TCHP: variants seen among roughly 807,000 people sequenced by gnomAD.
TCHP encodes trichoplein keratin filament-binding protein.
In TCHP, 81 loss-of-function variants were observed where a neutral mutation model predicts 88.7. The ratio of observed to expected loss-of-function variants is 0.91; its 90% CI spans 0.76 to 1.10. TCHP has a LOEUF of 1.10. TCHP is among the 50% of genes least tolerant of loss of function. The pLI, the probability that TCHP is intolerant of heterozygous loss-of-function variation, is 0.00. For missense variants in TCHP, 641 were observed against 632.1 expected (o/e 1.01, Z -0.15); for synonymous variants, 232 against 232.5 (o/e 1.00, Z 0.02).
intron 3 of TCHP, 47 bp downstream of exon 3, chr12:109,904,194 C>G: frequency 6.6e-7 from 1 of 1,519,594 alleles, no homozygotes; most frequent in Admixed American, 2.0e-5. Flanking sequence ...GGAGTGTTCC[C>G]AGCCTGAGTG....
In TCHP at chr12:109,903,269, G is replaced by A. The variant is rs1869922997; in HGVS notation, c.188+55G>A. 6.5e-7 allele frequency: 1 copy of A among 1,541,092 alleles called. No homozygotes were observed. Among genetic ancestry groups the A allele is most frequent in the Non-Finnish European group, 8.9e-7 (1 of 1,124,106 alleles). ...GAAGTGGGGACCACTTGCTGGTCAG[G>A]GGATGAGGCCTTAAGGATTTAGGGA... On this transcript the variant is annotated intron_variant, in intron 2 of 12. Transcript: ENST00000405876. This position sits in a 1 kb window ranked among gnomAD's most constrained non-coding sequence, Gnocchi z 4.6.
chr12:109,894,488 G>A, the TCHP span, among the ~76,000 whole-genome samples: 3 of 145,078 alleles, frequency 2.1e-5, no homozygotes, highest in Non-Finnish European at 3.0e-5. Context: ...AAAAAAGGCC[G>A]GGTGCAGTGG....
At chr12:109,899,168 G>T (rs998519381), upstream of TCHP, among the ~76,000 whole-genome samples, 1 of 152,146 alleles carries the variant, frequency 6.6e-6, no homozygotes, top group Non-Finnish European at 1.5e-5. Context: ...AAAGAATGGA[G>T]AAATGAAGGG....
At chr12:109,910,473 T>C (rs1335942544) in intron 8 of TCHP, among the ~76,000 whole-genome samples, 1 of 152,168 alleles carries the variant, frequency 6.6e-6, no homozygotes, top group Admixed American at 6.5e-5. Context: ...TACATCACAA[T>C]GCTTTGTAGA....
intron 4 of TCHP, 40 bp from the exon 5 acceptor site, chr12:109,906,532 T>C: frequency 3.1e-6 from 5 of 1,602,448 alleles, no homozygotes; most frequent in African/African-American, 1.3e-5. Flanking sequence ...TGCCCATCTG[T>C]CTGGTGAGGA....
At chr12:109,896,945 T>TATAG (rs1023522979), upstream of TCHP, among the ~76,000 whole-genome samples, 6 of 151,886 alleles carry the variant, frequency 4.0e-5, no homozygotes, top group African/African-American at 1.2e-4. Context: ...GATATAGATA[T>TATAG]ATAGATAGAT....
In TCHP at chr12:109,916,928, C is replaced by T; in HGVS notation, c.*305C>T. On this transcript the variant is annotated 3_prime_UTR_variant, in exon 13 of 13. Coordinates refer to ENST00000405876, the MANE Select transcript of TCHP (RefSeq NM_001143852.2). ...TCAACTGAAGGTCAATACTAAGAGC[C>T]ACAGGTTGTACCTGTGATGGGGCGT... 2 of 307,072 alleles carry T rather than the reference C, an allele frequency of 6.5e-6. No individual in the cohort carries two copies. Among genetic ancestry groups the T allele is most frequent in the Non-Finnish European group, 1.2e-5 (2 of 168,356 alleles). 19.0% of individuals were successfully genotyped at this position (307,072 alleles called of 1,614,324 possible). A position where few individuals can be genotyped will look rare whatever the true frequency, so the allele number is the denominator to read the frequency against.
chr12:109,915,059 G>A lies in TCHP; in HGVS notation c.1321-344G>A, dbSNP rs991963357. ...GCATACAGCCTCTCCAGCTTTCTAC[G>A]AGGTACATGCCATGCATACAGCCTC... On this transcript the variant is annotated intron_variant, in intron 11 of 12. Coordinates refer to ENST00000405876, the MANE Select transcript of TCHP (RefSeq NM_001143852.2). 2.0e-5 allele frequency: 9 copies of A among 448,476 alleles called. No homozygotes were observed. In the Admixed American group the frequency reaches 2.2e-4, roughly 11 times the overall value. The allele number at this position is 448,476 out of a possible 1,614,324, so 27.8% of individuals were successfully genotyped here.
At chr12:109,891,639 G>A in the TCHP span, among the ~76,000 whole-genome samples, 1 of 151,728 alleles carries the variant, frequency 6.6e-6, no homozygotes, top group Non-Finnish European at 1.5e-5. Context: ...GACCTCAAGT[G>A]ATCCACCTGC....
At chr12:109,901,824 C>T (rs1178412219) in intron 1 of TCHP, among the ~76,000 whole-genome samples, 2 of 152,166 alleles carry the variant, frequency 1.3e-5, no homozygotes, top group Admixed American at 6.5e-5. Flanking sequence ...GCCCCTTCCT[C>T]GGGCCAAGAG....
At position 109,904,723 on chromosome 12, in the gene TCHP, T is replaced by G. The variant is rs376992881; in HGVS notation, c.400-14T>G. The G allele has an allele frequency of 6.2e-7, 1 of 1,608,306 alleles. No individual in the cohort carries two copies. The highest frequency in any genetic ancestry group is 8.5e-7 in the Non-Finnish European group (1 of 1,178,444). On this transcript the variant is annotated splice_polypyrimidine_tract_variant and intron_variant, in intron 3 of 12. Transcript: ENST00000405876. Reference sequence around the variant, plus strand: ...AAATGACATCAGGCTTTCCATTTTGTGTTTTCTTGATAGATTGCTGAACAA... The same window carrying G: ...AAATGACATCAGGCTTTCCATTTTGGGTTTTCTTGATAGATTGCTGAACAA...
Position 109,903,328 on chromosome 12 carries a change from C to A in TCHP, c.188+114C>A. On this transcript the variant is annotated intron_variant, in intron 2 of 12. Coordinates refer to ENST00000405876, the MANE Select transcript of TCHP (RefSeq NM_001143852.2). The surrounding 1 kb of genome is among the most constrained non-coding windows in gnomAD (Gnocchi z 4.6). ...TTTGCCAGGCAGTATGAATTACCTG[C>A]ATGGTGATGTTTTTCCAGCTGGAAA... 1.1e-6 allele frequency: 1 copy of A among 918,302 alleles called. No individual in the cohort carries two copies. Among genetic ancestry groups the A allele is most frequent in the South Asian group, 2.2e-5 (1 of 45,844 alleles). The allele number at this position is 918,302 out of a possible 1,614,324, so 56.9% of individuals were successfully genotyped here.
At chr12:109,884,443 C>T in the TCHP span, among the ~76,000 whole-genome samples, 2 of 152,120 alleles carry the variant, frequency 1.3e-5, no homozygotes, top group South Asian at 4.1e-4. Flanking sequence ...CTGCCTCAGC[C>T]TCTCAAAGTG....
chr12:109,911,309 C>T, intron 9 of TCHP, 74 bp downstream of exon 9: 3 of 769,846 alleles, frequency 3.9e-6, no homozygotes, highest in Non-Finnish European at 6.0e-6. Context: ...CCATGGGTCA[C>T]CTGTTACTGA....
In TCHP at chr12:109,913,016, AAG is replaced by A. The variant is rs750403106; in HGVS notation, c.1085_1086del (p.Glu362GlyfsTer30). 12 of 1,613,788 alleles carry A rather than the reference AAG, an allele frequency of 7.4e-6. No individual in the cohort carries two copies. Among genetic ancestry groups the A allele is most frequent in the Middle Eastern group, 1.6e-4 (1 of 6,082 alleles). On this transcript the variant is annotated frameshift_variant, in exon 10 of 13. Transcript: ENST00000405876. LOFTEE classifies it high-confidence loss of function. ...LREEAKEMWE[K>X]REAEWARERS... Reference sequence around the variant, plus strand: ...GGAGGAGGCCAAGGAGATGTGGGAAAAGAGAGAGGCAGAGTGGGCCCGAGAGC... The same window carrying A: ...GGAGGAGGCCAAGGAGATGTGGGAAAAGAGAGGCAGAGTGGGCCCGAGAGC...
chr12:109,906,692 T>G (rs1870150659), intron 5 of TCHP, 52 bp downstream of exon 5: 1 of 1,482,776 alleles, frequency 6.7e-7, no homozygotes, highest in Non-Finnish European at 9.3e-7. Flanking sequence ...GCGAGACTGT[T>G]CACGTCTTTG....
chr12:109,897,417 G>C (rs554634768), upstream of TCHP, among the ~76,000 whole-genome samples: 7 of 152,298 alleles, frequency 4.6e-5, no homozygotes, highest in East Asian at 1.3e-3. Flanking sequence ...AGTTCTGCTA[G>C]TGGAGCTTAT....
At chr12:109,916,243 G>A (rs1444862621) in intron 12 of TCHP, among the ~76,000 whole-genome samples, 1 of 152,224 alleles carries the variant, frequency 6.6e-6, no homozygotes, top group African/African-American at 2.4e-5. Flanking sequence ...GGGAAACTGA[G>A]TGAAACATAA....
At chr12:109,898,652 G>C (rs1869630159), upstream of TCHP, among the ~76,000 whole-genome samples, 1 of 152,154 alleles carries the variant, frequency 6.6e-6, no homozygotes. Context: ...TTTTGAGACA[G>C]GGTCTCACTC....
Sources: gnomAD v4.1 joint callset for allele counts (sites outside exome capture counted in the v4.1 genomes callset) on GRCh38, gnomAD v4.1.1 for gene constraint, Gnocchi (gnomAD v3.1) non-coding constraint, MANE v1.5 for transcripts, NCBI Gene and HGNC (gene_info 2026-07-23, HGNC 2026-07-21) for gene names.